Variants in ENPP3 observed in about 807,000 individuals in gnomAD.
The protein encoded by ENPP3 is ectonucleotide pyrophosphatase/phosphodiesterase family member 3.
ENPP3 carries 104 observed loss-of-function variants against 117.8 expected under a neutral mutation model. That is an observed-to-expected ratio of 0.88 (90% confidence interval 0.75 to 1.04). The LOEUF is 1.04. ENPP3 is among the 50% of genes least tolerant of loss of function. ENPP3 has a pLI of 0.00. For synonymous variants in ENPP3, 380 were observed against 349.9 expected, an observed-to-expected ratio of 1.09 and a Z score of -0.96; for missense variants, 1,026 against 1,051.9, an observed-to-expected ratio of 0.98 and a Z score of 0.34.
chr6:131,638,598 C>CT (rs1033730142), intron 1 of ENPP3: 94 of 371,886 alleles, frequency 2.5e-4, no homozygotes, highest in South Asian at 4.8e-4. Context: ...TCTTTCTTTT[C>CT]TTTTTTTTGT....
At position 131,652,887 on chromosome 6, in the gene ENPP3, GA is replaced by G. The variant is rs748021247; in HGVS notation, c.462del (p.Phe156LeufsTer25). The G allele has an allele frequency of 6.2e-7, 1 of 1,609,324 alleles. No homozygotes were observed. Among genetic ancestry groups the G allele is most frequent in the South Asian group, 1.1e-5 (1 of 90,976 alleles). ...CACAGCCCAGCAGTCTCAGTGCCCAGAAGGGTGAGCATGACTGATACAGGGA... is the reference window on the plus strand; with the variant it reads ...CACAGCCCAGCAGTCTCAGTGCCCAGAGGGTGAGCATGACTGATACAGGGA... ...CDTAQQSQCP[E>X]GFDLPPVILF... On this transcript the variant is annotated frameshift_variant, in exon 5 of 25. Coordinates refer to ENST00000357639, the MANE Select transcript of ENPP3 (RefSeq NM_005021.5). LOFTEE classifies it high-confidence loss of function.
rs780809703 is a variant in ENPP3 at position 131,675,135 on chromosome 6, G to C, written c.818G>C (p.Gly273Ala). The C allele has an allele frequency of 6.2e-6, 10 of 1,613,818 alleles. No individual in the cohort carries two copies. The East Asian group carries it at 1.6e-4, about 25-fold the overall frequency. ...AAAGCCGCTACCTACTTTTGGCCCG[G>C]ATCAGAAGTGGCTATAAATGGCTCC... ...GLKAATYFWP[G>A]SEVAINGSFP... Residue 273 changes from glycine (G) to alanine (A), a missense_variant, in exon 9 of 25, where the codon GGA becomes GCA. Coordinates refer to ENST00000357639, the MANE Select transcript of ENPP3 (RefSeq NM_005021.5).
rs1438668651 is a variant in ENPP3, at chr6:131,695,902, C to CA, written c.1412+2280dup. 4.0e-5 allele frequency among the ~76,000 whole-genome samples: 6 copies of CA among 151,640 alleles called. 1 individual carries two copies. The East Asian group carries it at 7.8e-4, about 20-fold the overall frequency. On this transcript the variant is annotated intron_variant, in intron 15 of 24. Coordinates refer to ENST00000357639, the MANE Select transcript of ENPP3 (RefSeq NM_005021.5). ...CTGCACTCCAGCCTGGGCAACAGAG[C>CA]AAGACTCTGTCTCAAAAAAAAAAGA...
intron 14 of ENPP3, among the ~76,000 whole-genome samples, chr6:131,692,719 T>C (rs2114448772): frequency 6.8e-6 from 1 of 146,480 alleles, no homozygotes; most frequent in East Asian, 2.0e-4. Context: ...ATATATAGTA[T>C]ATATTATATG....
chr6:131,728,173 C>T (rs1021765684), intron 20 of ENPP3, among the ~76,000 whole-genome samples: 4 of 152,170 alleles, frequency 2.6e-5, no homozygotes, highest in African/African-American at 9.7e-5. Flanking sequence ...CTTCAACACA[C>T]AACATTCCAC....
intron 18 of ENPP3, among the ~76,000 whole-genome samples, chr6:131,723,397 C>T (rs1780078281): frequency 6.6e-6 from 1 of 152,130 alleles, no homozygotes. Context: ...TCCTGATAAC[C>T]TCAATCAAAC....
intron 6 of ENPP3, among the ~76,000 whole-genome samples, chr6:131,671,028 A>G (rs978165055): frequency 6.6e-6 from 1 of 152,156 alleles, no homozygotes; most frequent in Non-Finnish European, 1.5e-5. Context: ...CTTCCAGAAA[A>G]AAATCTATAC....
intron 23 of ENPP3, among the ~76,000 whole-genome samples, chr6:131,739,732 T>G (rs893055969): frequency 2.0e-5 from 3 of 151,862 alleles, no homozygotes; most frequent in African/African-American, 7.3e-5. Context: ...ATTTATTACT[T>G]TCTTTTACTA....
intron 15 of ENPP3, 48 bp from the exon 16 acceptor site, chr6:131,718,624 C>A: frequency 2.2e-6 from 2 of 921,134 alleles, no homozygotes; most frequent in South Asian, 2.0e-5. Flanking sequence ...ACACTATGGT[C>A]TCATATCAAT....
At chr6:131,679,972 C>A (rs1281360924) in intron 11 of ENPP3, among the ~76,000 whole-genome samples, 1 of 152,176 alleles carries the variant, frequency 6.6e-6, no homozygotes, top group Non-Finnish European at 1.5e-5. Flanking sequence ...AGGAGTCAGG[C>A]ACCAATCCTG....
intron 21 of ENPP3, among the ~76,000 whole-genome samples, chr6:131,736,241 G>A (rs985226018): frequency 6.6e-6 from 1 of 152,188 alleles, no homozygotes; most frequent in Non-Finnish European, 1.5e-5. Flanking sequence ...GATTTGTGGT[G>A]TTCCCTTCAG....
At chr6:131,690,286 T>G (rs1433757440) in intron 14 of ENPP3, among the ~76,000 whole-genome samples, 1 of 152,194 alleles carries the variant, frequency 6.6e-6, no homozygotes, top group Non-Finnish European at 1.5e-5. Context: ...GGTCCACTGA[T>G]GCAGCCACCT....
At chr6:131,724,619 C>T (rs1780113192) in intron 19 of ENPP3, among the ~76,000 whole-genome samples, 1 of 152,122 alleles carries the variant, frequency 6.6e-6, no homozygotes, top group Non-Finnish European at 1.5e-5. Flanking sequence ...AGTTTCATCG[C>T]TTATAAGGGG....
chr6:131,717,414 T>C (rs1779921990), intron 15 of ENPP3, among the ~76,000 whole-genome samples: 1 of 115,976 alleles, frequency 8.6e-6, no homozygotes, highest in African/African-American at 3.6e-5. Flanking sequence ...GTATTTGCCC[T>C]TGGGGTGAGA....
At chr6:131,696,468 G>A (rs1156619028) in intron 15 of ENPP3, among the ~76,000 whole-genome samples, 1 of 152,300 alleles carries the variant, frequency 6.6e-6, no homozygotes, top group Non-Finnish European at 1.5e-5. Context: ...GCTGATCGGG[G>A]TTTGGAAGAC....
intron 4 of ENPP3, 60 bp from the exon 5 acceptor site, chr6:131,652,771 T>C: frequency 6.3e-7 from 1 of 1,589,706 alleles, no homozygotes; most frequent in Admixed American, 1.7e-5. Context: ...CATCGGAGAA[T>C]CTTTAGTTAC....
chr6:131,697,665 A>G (rs116500849), intron 15 of ENPP3, among the ~76,000 whole-genome samples: 2,786 of 152,094 alleles, frequency 0.018, 38 homozygotes, highest in South Asian at 0.032. Flanking sequence ...TACAACTTAT[A>G]TTCCTTGCAT....
At chr6:131,711,380 A>G (rs1171893453) in intron 15 of ENPP3, among the ~76,000 whole-genome samples, 23 of 139,042 alleles carry the variant, frequency 1.7e-4, no homozygotes, top group African/African-American at 6.5e-4. Context: ...TGATCATTAC[A>G]TAATCTCTGG....
chr6:131,676,610 A>G (rs1778873416), intron 9 of ENPP3, 126 bp from the exon 10 acceptor site: 1 of 641,580 alleles, frequency 1.6e-6, no homozygotes, highest in East Asian at 2.7e-5. Flanking sequence ...AATACCTTCC[A>G]GTATTGTGAT....
Sources: allele counts gnomAD v4.1 joint callset (sites outside exome capture counted in the v4.1 genomes callset), GRCh38; gene constraint gnomAD v4.1.1; transcripts MANE v1.5; gene names NCBI Gene and HGNC (gene_info 2026-07-23, HGNC 2026-07-21).